Variants in PPIP5K2 observed in about 807,000 individuals in gnomAD.
PPIP5K2 encodes the protein inositol hexakisphosphate and diphosphoinositol-pentakisphosphate kinase 2.
Under a neutral mutation model 154.6 loss-of-function variants are expected in PPIP5K2, and 105 were observed. The ratio of observed to expected loss-of-function variants is 0.68; its 90% confidence interval spans 0.58 to 0.80. PPIP5K2 has a LOEUF of 0.80. PPIP5K2 is among the 30% of genes least tolerant of loss of function. The pLI, the probability that PPIP5K2 is intolerant of heterozygous loss-of-function variation, is 0.00. For missense variants in PPIP5K2, 992 were observed against 1,504.6 expected, an observed-to-expected ratio of 0.66 and a Z score of 5.64; for synonymous variants, 480 against 490.3, an observed-to-expected ratio of 0.98 and a Z score of 0.28.
At position 103,183,419 on chromosome 5, in the gene PPIP5K2, T is replaced by TTTC. The variant is rs575509764; in HGVS notation, c.3096+13_3096+14insTCT. 2.9e-5 allele frequency: 46 copies of TTTC among 1,598,538 alleles called. 1 individual carries two copies. In the South Asian group the frequency reaches 5.0e-4, roughly 17 times the overall value. ...GCTCATGGCAACAGGTTTTTAAACTTTACTTCATTAAACATTTTTCCTCCC... is the reference window on the plus strand; with the variant it reads ...GCTCATGGCAACAGGTTTTTAAACTTTTCTACTTCATTAAACATTTTTCCTCCC... On this transcript the variant is annotated intron_variant, in intron 25 of 30. Transcript: ENST00000358359.
chr5:103,199,853 T>C (rs1342131567), intron 30 of PPIP5K2, among the ~76,000 whole-genome samples: 2 of 152,208 alleles, frequency 1.3e-5, no homozygotes, highest in East Asian at 3.8e-4. Flanking sequence ...TATAAACTTA[T>C]GTTTCTTTGT....
At chr5:103,131,605 T>G (rs1304603150) in intron 2 of PPIP5K2, among the ~76,000 whole-genome samples, 1 of 152,168 alleles carries the variant, frequency 6.6e-6, no homozygotes, top group Non-Finnish European at 1.5e-5. Flanking sequence ...GTGCATAGTA[T>G]GATGCACTAT....
intron 23 of PPIP5K2, 27 bp from the exon 24 acceptor site, chr5:103,179,994 A>G (rs1473700662): frequency 1.3e-6 from 2 of 1,505,692 alleles, no homozygotes; most frequent in Non-Finnish European, 1.8e-6. Flanking sequence ...CTGAATAGTA[A>G]AAGTGTTTTA....
At chr5:103,145,205 A>C (rs2149530625) in intron 5 of PPIP5K2, among the ~76,000 whole-genome samples, 1 of 152,306 alleles carries the variant, frequency 6.6e-6, no homozygotes, top group South Asian at 2.1e-4. Flanking sequence ...CTGTGATGAG[A>C]TATCAACTCA....
In PPIP5K2 at chr5:103,212,193, TA is replaced by T. The variant is rs1228269849; in HGVS notation, c.*10563del. On this transcript the variant is annotated 3_prime_UTR_variant, in exon 31 of 31. Transcript: ENST00000358359. ...GTTTCTCTTGACTGGACCACAAATA[TA>T]AAATCTCATGCCCTCTCATTATCTT... 3.9e-5 allele frequency: 6 copies of T among 152,124 alleles called. No homozygotes were observed. The highest frequency in any genetic ancestry group is 8.8e-5 in the Non-Finnish European group (6 of 67,984). 9.4% of individuals were successfully genotyped at this position (152,124 alleles called of 1,614,324 possible). A position where few individuals can be genotyped will look rare whatever the true frequency, so the allele number is the denominator to read the frequency against.
chr5:103,180,248 CAG>C, intron 24 of PPIP5K2, 60 bp downstream of exon 24: 2 of 1,362,394 alleles, frequency 1.5e-6, no homozygotes, highest in Non-Finnish European at 1.9e-6. Context: ...TTTAATAAAA[CAG>C]AAAAGAAAAT....
At chr5:103,142,385 C>T (rs1311218906) in intron 5 of PPIP5K2, among the ~76,000 whole-genome samples, 2 of 152,186 alleles carry the variant, frequency 1.3e-5, no homozygotes, top group Non-Finnish European at 2.9e-5. Context: ...CCGCAAGCAC[C>T]GCCCCGCAGC....
rs1205280555 is a variant in PPIP5K2 at position 103,204,465 on chromosome 5, G to A, written c.*2831G>A. ...CCAGTGGGAACATTTTTCTTTTTTA[G>A]ACAAGGTCTCATTCTGTCACCCCAG... On this transcript the variant is annotated 3_prime_UTR_variant, in exon 31 of 31. Coordinates refer to ENST00000358359, the MANE Select transcript of PPIP5K2 (RefSeq NM_001276277.3). 5 of 152,044 alleles carry A rather than the reference G, an allele frequency of 3.3e-5. No homozygotes were observed. In the East Asian group the frequency reaches 7.7e-4, roughly 23 times the overall value. The allele number at this position is 152,044 out of a possible 1,614,324, so 9.4% of individuals were successfully genotyped here.
chr5:103,196,391 A>G (rs1802096838), intron 30 of PPIP5K2, among the ~76,000 whole-genome samples: 1 of 152,194 alleles, frequency 6.6e-6, no homozygotes, highest in African/African-American at 2.4e-5. Context: ...CATTCCAACT[A>G]ATAAGTATGT....
chr5:103,194,350 C>G (rs1406244649), intron 29 of PPIP5K2, among the ~76,000 whole-genome samples: 1 of 152,124 alleles, frequency 6.6e-6, no homozygotes, highest in Non-Finnish European at 1.5e-5. Context: ...AATGAGGCCT[C>G]CCTGTGTTGC....
chr5:103,127,723 A>G (rs1474115888), intron 1 of PPIP5K2, among the ~76,000 whole-genome samples: 1 of 152,230 alleles, frequency 6.6e-6, no homozygotes, highest in Non-Finnish European at 1.5e-5. Flanking sequence ...AATAGCAACT[A>G]GCACAAGTCA....
intron 19 of PPIP5K2, 138 bp downstream of exon 19, chr5:103,168,433 A>G: frequency 1.5e-6 from 1 of 653,262 alleles, no homozygotes; most frequent in Non-Finnish European, 2.6e-6. Context: ...GTAATTATGA[A>G]TTTATATTTT....
chr5:103,129,900 A>G (rs1414607755), intron 2 of PPIP5K2, among the ~76,000 whole-genome samples, 197 bp downstream of exon 2: 2 of 152,188 alleles, frequency 1.3e-5, no homozygotes, highest in African/African-American at 4.8e-5. Context: ...AATGATGCCT[A>G]TTTTAGTTTC....
intron 4 of PPIP5K2, 25 bp from the exon 5 acceptor site, chr5:103,138,359 T>C: frequency 7.4e-7 from 1 of 1,351,302 alleles, no homozygotes; most frequent in Admixed American, 2.1e-5. Context: ...AATAAAACAA[T>C]AAGGATGTTT....
intron 29 of PPIP5K2, among the ~76,000 whole-genome samples, chr5:103,191,220 G>A (rs903713525): frequency 1.3e-5 from 2 of 151,578 alleles, no homozygotes; most frequent in Non-Finnish European, 1.5e-5. Flanking sequence ...AAAACCAATA[G>A]CAGTAGAAGT....
chr5:103,157,905 C>T (rs1795668077), intron 14 of PPIP5K2, among the ~76,000 whole-genome samples: 1 of 152,040 alleles, frequency 6.6e-6, no homozygotes. Flanking sequence ...AAGGGAGAAA[C>T]ATTACATCCC....
chr5:103,159,720 GA>G, intron 17 of PPIP5K2, among the ~76,000 whole-genome samples: 4 of 152,166 alleles, frequency 2.6e-5, no homozygotes, highest in Admixed American at 2.6e-4. Flanking sequence ...TATGCATTGT[GA>G]AATGGCTAAC....
At chr5:103,123,985 T>C (rs1375994213) in intron 1 of PPIP5K2, among the ~76,000 whole-genome samples, 1 of 152,090 alleles carries the variant, frequency 6.6e-6, no homozygotes, top group East Asian at 1.9e-4. Flanking sequence ...ATGATGCTCA[T>C]AAAATCTCAT....
Position 103,209,021 on chromosome 5 carries a change from C to T in PPIP5K2, c.*7387C>T, listed in dbSNP as rs1803663131. On this transcript the variant is annotated 3_prime_UTR_variant, in exon 31 of 31. Coordinates refer to ENST00000358359, the MANE Select transcript of PPIP5K2 (RefSeq NM_001276277.3). ...AGAAGAACAAAAGAAGCCTGCCTCT[C>T]TTTAGACTGCCCATCTCAATTATAT... 1 of 152,192 alleles carries T rather than the reference C, an allele frequency of 6.6e-6. No homozygotes were observed. Among genetic ancestry groups the T allele is most frequent in the Admixed American group, 6.5e-5 (1 of 15,278 alleles). 9.4% of individuals were successfully genotyped at this position (152,192 alleles called of 1,614,324 possible). A position where few individuals can be genotyped will look rare whatever the true frequency, so the allele number is the denominator to read the frequency against.
Sources: gnomAD v4.1 joint callset for allele counts (sites outside exome capture counted in the v4.1 genomes callset) on GRCh38, gnomAD v4.1.1 for gene constraint, MANE v1.5 for transcripts, NCBI Gene and HGNC (gene_info 2026-07-23, HGNC 2026-07-21) for gene names.